Variants in MAEA observed in about 807,000 individuals in gnomAD.
The protein encoded by MAEA is E3 ubiquitin-protein transferase MAEA.
In MAEA, 22 loss-of-function variants were observed where a neutral mutation model predicts 46.2. The observed-to-expected ratio is 0.48, with a 90% confidence interval of 0.34 to 0.68. MAEA has a LOEUF of 0.68. Among genes scored for constraint, MAEA ranks in the 30% least tolerant of loss-of-function variants. The probability of loss-of-function intolerance (pLI) is 0.01; values close to 1 mark genes in which losing one functional copy is unlikely to be tolerated. For missense variants in MAEA, 393 were observed against 558.1 expected (o/e 0.70, Z 2.98); for synonymous variants, 246 against 222.6 (o/e 1.11, Z -0.94).
intron 1 of MAEA, among the ~76,000 whole-genome samples, chr4:1,298,567 C>G (rs1735009733): frequency 1.3e-5 from 2 of 152,206 alleles, no homozygotes; most frequent in South Asian, 4.1e-4. Context: ...CCAGGTAACC[C>G]CAAGACACTG....
At chr4:1,317,922 G>A (rs1340496007) in intron 3 of MAEA, among the ~76,000 whole-genome samples, 1 of 152,178 alleles carries the variant, frequency 6.6e-6, no homozygotes, top group Non-Finnish European at 1.5e-5. Flanking sequence ...TGCCTCTGCC[G>A]TGCTGCCCAC....
At chr4:1,338,775 G>A (rs562488541) in intron 8 of MAEA, 158 bp downstream of exon 8, 30 of 817,148 alleles carry the variant, frequency 3.7e-5, no homozygotes, top group South Asian at 3.3e-4. Flanking sequence ...GGCACGCGTC[G>A]CCATCGGGAC....
chr4:1,298,432 GC>G, intron 1 of MAEA, among the ~76,000 whole-genome samples: 1 of 152,338 alleles, frequency 6.6e-6, no homozygotes, highest in Non-Finnish European at 1.5e-5. Context: ...AGGCACACGC[GC>G]CGTCTTCTGG....
At chr4:1,332,662 C>G in intron 5 of MAEA, 95 bp from the exon 6 acceptor site, 1 of 874,824 alleles carries the variant, frequency 1.1e-6, no homozygotes, top group Non-Finnish European at 1.8e-6. Context: ...TGTGACTGTG[C>G]CACTGCACTG....
At chr4:1,325,011 G>A (rs549474445) in intron 4 of MAEA, among the ~76,000 whole-genome samples, 13 of 152,242 alleles carry the variant, frequency 8.5e-5, no homozygotes, top group Admixed American at 7.2e-4. Context: ...CCAGAAATGC[G>A]CCCTGAAGAC....
intron 1 of MAEA, among the ~76,000 whole-genome samples, chr4:1,293,601 C>T (rs1734330480): frequency 6.6e-6 from 1 of 152,214 alleles, no homozygotes; most frequent in Admixed American, 6.5e-5. Context: ...CTGGACCTGG[C>T]TCCTCTCTGT....
Position 1,327,674 on chromosome 4 carries a change from C to A in MAEA, c.627C>A (p.Ile209=). Residue 209 remains isoleucine, a synonymous_variant, in exon 5 of 9, where the codon ATC becomes ATA. Coordinates refer to ENST00000303400, the MANE Select transcript of MAEA (RefSeq NM_001017405.3). ...GAATCCAGGAGTTCATTGAACTCAT[C>A]CGGCAGAATAAGAGACTGGACGCTG... ...SLRIQEFIEL[I]RQNKRLDAVR... The A allele has an allele frequency of 6.2e-7, 1 of 1,613,952 alleles. No individual in the cohort carries two copies. The highest frequency in any genetic ancestry group is 8.5e-7 in the Non-Finnish European group (1 of 1,179,984).
Position 1,311,207 on chromosome 4 carries a change from A to C in MAEA, c.70-772A>C, listed in dbSNP as rs750967472. Reference sequence around the variant, plus strand: ...TGCGCTGTGTGGTGAGCTGCCGGCCACCAGTGCAGCCAGGACCGCAGGTGG... The same window carrying C: ...TGCGCTGTGTGGTGAGCTGCCGGCCCCCAGTGCAGCCAGGACCGCAGGTGG... On this transcript the variant is annotated intron_variant, in intron 1 of 8. Transcript: ENST00000303400. The surrounding 1 kb of genome is among the most constrained non-coding windows in gnomAD (Gnocchi z 4.4). Among the ~76,000 whole-genome samples the C allele has an allele frequency of 6.6e-6, 1 of 152,206 alleles. No individual in the cohort carries two copies. Among genetic ancestry groups the C allele is most frequent in the Non-Finnish European group, 1.5e-5 (1 of 68,034 alleles).
Position 1,339,252 on chromosome 4 carries a change from C to G in MAEA, c.*83C>G, listed in dbSNP as rs1276330645. The G allele has an allele frequency of 3.1e-6, 3 of 974,178 alleles. No homozygotes were observed. In the East Asian group the frequency reaches 7.2e-5, roughly 23 times the overall value. 60.3% of individuals were successfully genotyped at this position (974,178 alleles called of 1,614,324 possible). On this transcript the variant is annotated 3_prime_UTR_variant, in exon 9 of 9. Coordinates refer to ENST00000303400, the MANE Select transcript of MAEA (RefSeq NM_001017405.3). ...GCCTTCCTCCTGTCCCACGCTCCAG[C>G]CTGCCGCGGCGTTTCTGTTTCTTGC...
At chr4:1,307,519 C>G (rs746239267) in intron 1 of MAEA, among the ~76,000 whole-genome samples, 1 of 152,230 alleles carries the variant, frequency 6.6e-6, no homozygotes, top group Non-Finnish European at 1.5e-5. Context: ...GAATACTGTT[C>G]CACTGTGTAT....
At chr4:1,323,421 G>A (rs1738399133) in intron 4 of MAEA, 1 of 700,006 alleles carries the variant, frequency 1.4e-6, no homozygotes, top group Non-Finnish European at 2.6e-6. Flanking sequence ...ACTGAGCGCT[G>A]CTTTAACCTC....
At chr4:1,335,116 CTT>C (rs1712576291) in intron 6 of MAEA, 1 of 985,312 alleles carries the variant, frequency 1.0e-6, no homozygotes, top group Admixed American at 6.1e-5. Context: ...CGCTCTCTCT[CTT>C]AAGTCTAAAC....
intron 4 of MAEA, chr4:1,323,511 A>G: frequency 1.4e-6 from 1 of 702,594 alleles, no homozygotes; most frequent in South Asian, 1.5e-5. Flanking sequence ...CAAAACAAGC[A>G]CGAAGCAAAG....
chr4:1,328,943 G>A (rs1216583437), intron 5 of MAEA: 11 of 993,150 alleles, frequency 1.1e-5, no homozygotes, highest in Admixed American at 5.9e-5. Flanking sequence ...AGCATTGCGG[G>A]GACACGGCCA....
intron 1 of MAEA, chr4:1,309,820 A>G: frequency 2.9e-6 from 4 of 1,370,168 alleles, no homozygotes; most frequent in Non-Finnish European, 3.8e-6. Flanking sequence ...TGTCTGCAGC[A>G]CACCAGCTGC....
At chr4:1,298,217 GCTCA>G (rs1734959691) in intron 1 of MAEA, 2 of 386,404 alleles carry the variant, frequency 5.2e-6, no homozygotes, top group Admixed American at 2.9e-5. Context: ...GCCTGCTTGT[GCTCA>G]CTGTTTCCTT....
chr4:1,320,557 C>G (rs1388255548), intron 3 of MAEA, among the ~76,000 whole-genome samples: 1 of 149,110 alleles, frequency 6.7e-6, no homozygotes, highest in Non-Finnish European at 1.5e-5. Flanking sequence ...AGCAAACCTG[C>G]AAGAAAATGC....
chr4:1,289,942 T>C lies in MAEA; in HGVS notation c.29T>C (p.Leu10Ser), dbSNP rs1315985680. The part of the protein sequence containing the change: MAVQESAAQ[L>S]SMTLKVQEYP... ...GCGGTGCAGGAGTCGGCGGCTCAGT[T>C]GTCCATGACCCTGAAGGTCCAGGAG... Residue 10 changes from leucine (L) to serine (S), a missense_variant, in exon 1 of 9, where the codon TTG (leucine) becomes TCG (serine). Transcript: ENST00000303400. 6.2e-7 allele frequency: 1 copy of C among 1,602,570 alleles called. No individual in the cohort carries two copies. Among genetic ancestry groups the C allele is most frequent in the South Asian group, 1.1e-5 (1 of 89,326 alleles).
chr4:1,312,110 G>C lies in MAEA; in HGVS notation c.201G>C (p.Val67=). ...TLSGCPAVDS[V]VSLLDGVVEK... ...GCGGCTGCCCCGCCGTGGACTCCGT[G>C]GTCAGCCTGCTGGACGGCGTGGTGG... is the stretch of plus-strand genomic sequence containing the variant. Residue 67 remains valine (V), a synonymous_variant, in exon 2 of 9, where the codon GTG becomes GTC. Coordinates refer to ENST00000303400, the MANE Select transcript of MAEA (RefSeq NM_001017405.3). The C allele has an allele frequency of 6.2e-7, 1 of 1,613,896 alleles. No homozygotes were observed. Among genetic ancestry groups the C allele is most frequent in the South Asian group, 1.1e-5 (1 of 91,084 alleles).
Sources: gnomAD v4.1 joint callset for allele counts (sites outside exome capture counted in the v4.1 genomes callset) on GRCh38, gnomAD v4.1.1 for gene constraint, Gnocchi (gnomAD v3.1) non-coding constraint, MANE v1.5 for transcripts, NCBI Gene and HGNC (gene_info 2026-07-23, HGNC 2026-07-21) for gene names.